Variants in RIT2 observed in about 807,000 individuals in gnomAD.
RIT2 encodes GTP-binding protein Rit2.
RIT2 carries 24 observed loss-of-function variants against 23.7 expected under a neutral mutation model. That is an observed-to-expected ratio of 1.01 (90% CI 0.73 to 1.43). RIT2 has a LOEUF of 1.43. Ranked by LOEUF, RIT2 falls within the 40% of genes most tolerant of loss-of-function variation. The pLI is 0.00. For synonymous variants in RIT2, 107 were observed against 91.1 expected (o/e 1.17, Z -0.99); for missense variants, 236 against 266.9 (o/e 0.88, Z 0.81).
Position 42,885,209 on chromosome 18 carries a change from T to A in RIT2, c.426+38363A>T, listed in dbSNP as rs149407058. On this transcript the variant is annotated intron_variant, in intron 4 of 4. Coordinates refer to ENST00000326695, the MANE Select transcript of RIT2 (RefSeq NM_002930.4). ...AGCTTTATGTGCTGCTTTTGTAACA[T>A]TCATTTCACAGATGGTAAATTAAAA... Among the ~76,000 whole-genome samples, 29 of 152,332 alleles carry A rather than the reference T, an allele frequency of 1.9e-4. No individual in the cohort carries two copies. In the East Asian group the frequency reaches 5.2e-3, roughly 27 times the overall value.
At position 43,075,007 on chromosome 18, in the gene RIT2, T is replaced by G. The variant is rs148632232; in HGVS notation, c.103+40410A>C. Among the ~76,000 whole-genome samples, 340 of 152,264 alleles carry G rather than the reference T, an allele frequency of 2.2e-3. 1 individual carries two copies. Among genetic ancestry groups the G allele is most frequent in the Non-Finnish European group, 3.5e-3 (236 of 68,022 alleles). On this transcript the variant is annotated intron_variant, in intron 1 of 4. Transcript: ENST00000326695. ...CAAACCACCATTGTACACATTTACC[T>G]ATGTAACAAACCTGCACATCCTGCA...
rs186131349 is a variant in RIT2, at chr18:42,777,479, A to G, written c.427-33759T>C. 6.6e-5 allele frequency among the ~76,000 whole-genome samples: 10 copies of G among 152,296 alleles called. No individual in the cohort carries two copies. The East Asian group carries it at 1.9e-3, about 29-fold the overall frequency. On this transcript the variant is annotated intron_variant, in intron 4 of 4. Coordinates refer to ENST00000326695, the MANE Select transcript of RIT2 (RefSeq NM_002930.4). Reference sequence around the variant, plus strand: ...ACTTAGAAGCAGTGGCCAATACAACAGGAAAATAACCGGGGAAATGTGGAA... The same window carrying G: ...ACTTAGAAGCAGTGGCCAATACAACGGGAAAATAACCGGGGAAATGTGGAA...
At chr18:42,993,813 C>T (rs1350131408) in intron 2 of RIT2, among the ~76,000 whole-genome samples, 2 of 152,076 alleles carry the variant, frequency 1.3e-5, no homozygotes, top group African/African-American at 4.8e-5. Context: ...ATCGATCATG[C>T]ACCCCTTACC....
At chr18:42,935,449 A>G (rs931352935) in intron 3 of RIT2, among the ~76,000 whole-genome samples, 1 of 152,102 alleles carries the variant, frequency 6.6e-6, no homozygotes. Flanking sequence ...TTTAGCAAAC[A>G]TGGATACCGC....
intron 1 of RIT2, among the ~76,000 whole-genome samples, chr18:43,096,395 G>A (rs1013269613): frequency 2.6e-5 from 4 of 151,582 alleles, no homozygotes; most frequent in Admixed American, 2.0e-4. Context: ...CTAAAAATGA[G>A]TCTACATTTC....
rs956783725 is a variant in RIT2, at chr18:42,992,434, C to T, written c.161-18287G>A. On this transcript the variant is annotated intron_variant, in intron 2 of 4. Coordinates refer to ENST00000326695, the MANE Select transcript of RIT2 (RefSeq NM_002930.4). Reference sequence around the variant, plus strand: ...CCTAGACTCTCTTCCCAATGCAACTCGTCCCAAATCTTCCTTCCCTCCCAC... The same window carrying T: ...CCTAGACTCTCTTCCCAATGCAACTTGTCCCAAATCTTCCTTCCCTCCCAC... 8.5e-5 allele frequency among the ~76,000 whole-genome samples: 13 copies of T among 152,202 alleles called. No individual in the cohort carries two copies. In the East Asian group the frequency reaches 1.9e-3, roughly 23 times the overall value.
intron 4 of RIT2, among the ~76,000 whole-genome samples, chr18:42,917,758 T>C (rs1253394660): frequency 1.3e-5 from 2 of 152,148 alleles, no homozygotes; most frequent in South Asian, 2.1e-4. Flanking sequence ...CTCTCAAACA[T>C]GCTAAGCTAA....
intron 2 of RIT2, among the ~76,000 whole-genome samples, chr18:43,022,304 G>T (rs1911616287): frequency 6.6e-6 from 1 of 152,130 alleles, no homozygotes; most frequent in African/African-American, 2.4e-5. Flanking sequence ...AAGGGTGTGA[G>T]TGGTTGGGGA....
chr18:42,795,487 C>G (rs1013935099), intron 4 of RIT2, among the ~76,000 whole-genome samples: 1 of 152,216 alleles, frequency 6.6e-6, no homozygotes, highest in Non-Finnish European at 1.5e-5. Flanking sequence ...GGCTCGGGAC[C>G]GGCAGCCCGC....
intron 2 of RIT2, among the ~76,000 whole-genome samples, chr18:42,990,819 C>T (rs1910824399): frequency 6.6e-6 from 1 of 151,058 alleles, no homozygotes; most frequent in Admixed American, 6.6e-5. Context: ...AGGTATTACA[C>T]TTTACAATCA....
At chr18:42,837,098 C>T (rs1461489289) in intron 4 of RIT2, among the ~76,000 whole-genome samples, 1 of 146,766 alleles carries the variant, frequency 6.8e-6, no homozygotes, top group African/African-American at 2.5e-5. Context: ...TGATTATGCC[C>T]TTGAATATCA....
At chr18:42,999,191 TC>T (rs1441855204) in intron 2 of RIT2, among the ~76,000 whole-genome samples, 1 of 152,094 alleles carries the variant, frequency 6.6e-6, no homozygotes, top group Non-Finnish European at 1.5e-5. Context: ...TTTATTTGCC[TC>T]TCAGGCTGAC....
Position 43,100,683 on chromosome 18 carries a change from T to C in RIT2, c.103+14734A>G, listed in dbSNP as rs951232168. Among the ~76,000 whole-genome samples the C allele has an allele frequency of 4.6e-5, 7 of 152,214 alleles. No homozygotes were observed. The South Asian group carries it at 1.0e-3, about 23-fold the overall frequency. ...AAGACAAAACCAAGGAAATTACTTA[T>C]GAACTGGATGTGGAAGTATGAAGGA... On this transcript the variant is annotated intron_variant, in intron 1 of 4. Coordinates refer to ENST00000326695, the MANE Select transcript of RIT2 (RefSeq NM_002930.4).
chr18:42,859,334 C>T (rs984069453), intron 4 of RIT2, among the ~76,000 whole-genome samples: 5 of 152,032 alleles, frequency 3.3e-5, no homozygotes, highest in African/African-American at 1.2e-4. Flanking sequence ...TGCATATTGA[C>T]CATTTAAAAA....
intron 1 of RIT2, among the ~76,000 whole-genome samples, chr18:43,038,934 A>T (rs1912057745): frequency 6.6e-6 from 1 of 152,072 alleles, no homozygotes; most frequent in South Asian, 2.1e-4. Context: ...TAACATTGAC[A>T]GGTGGTGAGG....
chr18:43,010,069 G>A (rs79186178), intron 2 of RIT2, among the ~76,000 whole-genome samples: 4,874 of 151,798 alleles, frequency 0.032, 270 homozygotes, highest in African/African-American at 0.11. Flanking sequence ...TTCCATTGGC[G>A]AGGATAATTA....
At chr18:43,012,182 G>A (rs1911366080) in intron 2 of RIT2, among the ~76,000 whole-genome samples, 1 of 151,836 alleles carries the variant, frequency 6.6e-6, no homozygotes, top group Admixed American at 6.6e-5. Context: ...TGACCTAGGA[G>A]TATAAATTAC....
In RIT2 at chr18:43,095,595, G is replaced by A. The variant is rs1478222634; in HGVS notation, c.103+19822C>T. On this transcript the variant is annotated intron_variant, in intron 1 of 4. Transcript: ENST00000326695. ...GGGAGAAAATTTATTTAAATTACTT[G>A]ATCTTGTGTAAAAAAGTAAACTTAA... Among the ~76,000 whole-genome samples the A allele has an allele frequency of 3.3e-5, 5 of 151,894 alleles. No homozygotes were observed. The South Asian group carries it at 6.2e-4, about 19-fold the overall frequency.
intron 4 of RIT2, among the ~76,000 whole-genome samples, chr18:42,776,382 G>T (rs1913673191): frequency 6.6e-6 from 1 of 151,994 alleles, no homozygotes; most frequent in South Asian, 2.1e-4. Flanking sequence ...TCACTCCATG[G>T]AACTCATAGA....
Sources: allele counts gnomAD v4.1 joint callset (sites outside exome capture counted in the v4.1 genomes callset), GRCh38; gene constraint gnomAD v4.1.1; transcripts MANE v1.5; gene names NCBI Gene and HGNC (gene_info 2026-07-23, HGNC 2026-07-21).